The following MYO18B variants were observed in gnomAD, a reference collection of about 807,000 sequenced individuals.
MYO18B encodes myosin XVIIIB, also known as unconventional myosin-XVIIIb.
A neutral mutation model predicts 273.0 loss-of-function variants in MYO18B; 204 were observed. The ratio of observed to expected loss-of-function variants is 0.75; its 90% CI spans 0.67 to 0.84. The LOEUF is 0.84. Ranked by LOEUF, MYO18B falls within the 40% of genes least tolerant of loss-of-function variation. MYO18B has a pLI of 0.00. For missense variants in MYO18B, 3,212 were observed against 3,287.6 expected, an observed-to-expected ratio of 0.98 and a Z score of 0.56; for synonymous variants, 1,330 against 1,305.7, an observed-to-expected ratio of 1.02 and a Z score of -0.40.
At chr22:25,818,597 G>A (rs1272571518) in intron 12 of MYO18B, among the ~76,000 whole-genome samples, 1 of 152,132 alleles carries the variant, frequency 6.6e-6, no homozygotes, top group Non-Finnish European at 1.5e-5. Flanking sequence ...AGAAGCTCTG[G>A]GGTGTGACCC....
chr22:26,054,172 A>G, the MYO18B span, among the ~76,000 whole-genome samples: 1 of 152,182 alleles, frequency 6.6e-6, no homozygotes, highest in African/African-American at 2.4e-5. Flanking sequence ...CAGAGCAAGG[A>G]GTCCCAGGAC....
At chr22:26,015,851 T>C (rs937765041) in intron 42 of MYO18B, among the ~76,000 whole-genome samples, 1 of 152,230 alleles carries the variant, frequency 6.6e-6, no homozygotes, top group African/African-American at 2.4e-5. Context: ...CTTTCACTTA[T>C]ATTTTCTTCC....
rs1370973089 is a variant in MYO18B, at chr22:25,911,552, T to C, written c.5364+502T>C. Among the ~76,000 whole-genome samples, 3 of 152,198 alleles carry C rather than the reference T, an allele frequency of 2.0e-5. 1 individual carries two copies. The highest frequency in any genetic ancestry group is 7.2e-5 in the African/African-American group (3 of 41,436). On this transcript the variant is annotated intron_variant, in intron 33 of 43. Coordinates refer to ENST00000335473, the MANE Select transcript of MYO18B (RefSeq NM_032608.7). ...TGGCTATCACTGTACACCAGGGTTC[T>C]CGACTGTCCATCAGTGTACACCAGG... is the stretch of plus-strand genomic sequence containing the variant.
chr22:25,930,772 C>G (rs1185980520), intron 34 of MYO18B, among the ~76,000 whole-genome samples: 1 of 152,104 alleles, frequency 6.6e-6, no homozygotes, highest in African/African-American at 2.4e-5. Context: ...CCCTGGACAC[C>G]CTGAGTGCTC....
intron 38 of MYO18B, 78 bp from the exon 39 acceptor site, chr22:25,955,101 T>C: frequency 7.1e-7 from 1 of 1,399,446 alleles, no homozygotes; most frequent in Non-Finnish European, 9.5e-7. Context: ...CGGCAAAGGA[T>C]TTATCTTCCT....
intron 25 of MYO18B, among the ~76,000 whole-genome samples, chr22:25,887,102 T>TAAC (rs775884599): frequency 2.6e-5 from 4 of 152,180 alleles, no homozygotes; most frequent in African/African-American, 2.4e-5. Flanking sequence ...GCAGGTCAGA[T>TAAC]GGTTTTTGGG....
chr22:25,764,556 T>C (rs1277088423), intron 3 of MYO18B, among the ~76,000 whole-genome samples: 1 of 152,216 alleles, frequency 6.6e-6, no homozygotes, highest in Non-Finnish European at 1.5e-5. Flanking sequence ...TAGTCCCACA[T>C]GTGCCTGCAC....
At chr22:26,026,417 A>G (rs753656998) in intron 42 of MYO18B, 28 bp from the exon 43 acceptor site, 4 of 1,579,422 alleles carry the variant, frequency 2.5e-6, no homozygotes, top group African/African-American at 1.4e-5. Flanking sequence ...CACAATTTCT[A>G]CAGACTGCAT....
At position 25,843,781 on chromosome 22, in the gene MYO18B, T is replaced by C. The variant is rs762491849; in HGVS notation, c.3255T>C (p.Ile1085=). The change falls in exon 18 of 44, where the codon ATT becomes ATC. Residue 1085 remains isoleucine (I), a synonymous_variant. Transcript: ENST00000335473. ...RTCEQPLQCE[I]FHQLGWDPVR... is the part of the protein sequence containing the mutation. ...GTGAGCAGCCCCTCCAGTGTGAGAT[T>C]TTCCACCAGTTGGGATGGGACCCTG... 8.1e-6 allele frequency: 13 copies of C among 1,613,896 alleles called. No homozygotes were observed. In the South Asian group the frequency reaches 1.4e-4, roughly 18 times the overall value.
chr22:25,922,461 T>A (rs752723643), intron 34 of MYO18B, among the ~76,000 whole-genome samples: 2 of 152,138 alleles, frequency 1.3e-5, no homozygotes, highest in Non-Finnish European at 2.9e-5. Flanking sequence ...TAGCAGGAAC[T>A]CAGGATTTGC....
chr22:25,937,754 T>A (rs12169811), intron 34 of MYO18B, among the ~76,000 whole-genome samples: 1,893 of 152,110 alleles, frequency 0.012, 36 homozygotes, highest in African/African-American at 0.041. Context: ...CCTGGCTGAT[T>A]TTGTATTTTT....
At chr22:25,787,272 G>GCGCGCACA (rs1482737296) in intron 11 of MYO18B, among the ~76,000 whole-genome samples, 65 of 136,712 alleles carry the variant, frequency 4.8e-4, no homozygotes, top group African/African-American at 1.6e-3. Context: ...GCAGGCGCGC[G>GCGCGCACA]CACACACACA....
chr22:26,042,066 C>T, the MYO18B span, among the ~76,000 whole-genome samples: 1 of 152,200 alleles, frequency 6.6e-6, no homozygotes, highest in Non-Finnish European at 1.5e-5. Flanking sequence ...CCTCTTTCTA[C>T]AGATGAAGAA....
chr22:25,765,706 G>T (rs770147960), intron 3 of MYO18B, among the ~76,000 whole-genome samples: 6 of 152,114 alleles, frequency 3.9e-5, no homozygotes, highest in Admixed American at 2.0e-4. Flanking sequence ...GTGGCAGGGT[G>T]GGGGGACCAA....
chr22:25,843,960 A>G, intron 18 of MYO18B, 66 bp downstream of exon 18: 3 of 1,474,840 alleles, frequency 2.0e-6, no homozygotes, highest in Non-Finnish European at 2.8e-6. Flanking sequence ...CTTCCCACCT[A>G]AACTAGGCAG....
At chr22:25,777,299 A>G (rs1272732887) in intron 7 of MYO18B, among the ~76,000 whole-genome samples, 1 of 152,152 alleles carries the variant, frequency 6.6e-6, no homozygotes, top group South Asian at 2.1e-4. Context: ...AGTGAGATGA[A>G]TCTCATGGAT....
intron 34 of MYO18B, among the ~76,000 whole-genome samples, chr22:25,941,933 C>A (rs2092649217): frequency 6.6e-6 from 1 of 152,232 alleles, no homozygotes; most frequent in Non-Finnish European, 1.5e-5. Context: ...TTGGCCCATT[C>A]TTTTGGCTTC....
chr22:25,805,168 C>T lies in MYO18B; in HGVS notation c.2521+7071C>T, dbSNP rs371693819. On this transcript the variant is annotated intron_variant, in intron 12 of 43. Transcript: ENST00000335473. Reference sequence around the variant, plus strand: ...AGGCACCCTTCCCATGCCAGCCCCACGTTGTGATTTAGCACATGGCATCCC... The same window carrying T: ...AGGCACCCTTCCCATGCCAGCCCCATGTTGTGATTTAGCACATGGCATCCC... Among the ~76,000 whole-genome samples the T allele has an allele frequency of 2.0e-3, 297 of 152,306 alleles. 10 individuals are homozygous for T. The South Asian group carries it at 0.042, about 22-fold the overall frequency.
At chr22:25,803,395 A>G (rs192157785) in intron 12 of MYO18B, among the ~76,000 whole-genome samples, 49 of 151,058 alleles carry the variant, frequency 3.2e-4, no homozygotes, top group African/African-American at 1.1e-3. Flanking sequence ...TTGTTTACCC[A>G]TGGACCAGTT....
Sources: gnomAD v4.1 joint callset for allele counts (sites outside exome capture counted in the v4.1 genomes callset) on GRCh38, gnomAD v4.1.1 for gene constraint, MANE v1.5 for transcripts, NCBI Gene and HGNC (gene_info 2026-07-23, HGNC 2026-07-21) for gene names.